MAP7: variants seen among roughly 807,000 people sequenced by gnomAD.
MAP7 encodes the protein ensconsin.
MAP7 carries 52 observed loss-of-function variants against 94.8 expected under a neutral mutation model. That is an observed-to-expected ratio of 0.55 (90% CI 0.44 to 0.69). The LOEUF (loss-of-function observed/expected upper bound fraction) is 0.69. Among genes scored for constraint, MAP7 ranks in the 30% least tolerant of loss-of-function variants. The pLI is 0.00. For synonymous variants in MAP7, 350 were observed against 357.0 expected (o/e 0.98, Z 0.22); for missense variants, 940 against 964.6 (o/e 0.97, Z 0.34).
intron 1 of MAP7, among the ~76,000 whole-genome samples, chr6:136,494,935 T>C (rs528249556): frequency 1.3e-5 from 2 of 152,218 alleles, no homozygotes; most frequent in South Asian, 4.1e-4. Flanking sequence ...TGTACACACA[T>C]ACACACAAAC....
intron 1 of MAP7, among the ~76,000 whole-genome samples, chr6:136,530,540 A>AAGCTCCTGCAATAGTCCAGATG (rs1306388792): frequency 1.4e-5 from 2 of 146,564 alleles, no homozygotes; most frequent in Admixed American, 6.7e-5. Flanking sequence ...ACATGGAATC[A>AAGCTCCTGCAATAGTCCAGATG]AACAACCACT....
At chr6:136,501,851 T>C (rs913579488) in intron 1 of MAP7, among the ~76,000 whole-genome samples, 2 of 152,158 alleles carry the variant, frequency 1.3e-5, no homozygotes, top group Non-Finnish European at 2.9e-5. Context: ...CTCTACTCAC[T>C]GGAACATCTG....
At chr6:136,366,161 T>G (rs1794268393) in intron 9 of MAP7, 143 bp from the exon 10 acceptor site, 1 of 1,061,316 alleles carries the variant, frequency 9.4e-7, no homozygotes. Context: ...GAAATAGAGT[T>G]GCTTTAGGGA....
intron 1 of MAP7, among the ~76,000 whole-genome samples, chr6:136,482,626 A>G (rs1813242437): frequency 6.6e-6 from 1 of 151,762 alleles, no homozygotes; most frequent in Admixed American, 6.6e-5. Flanking sequence ...AGACGCATGC[A>G]TATGTTCATC....
chr6:136,514,117 C>T lies in MAP7; in HGVS notation c.67+36225G>A, dbSNP rs1298385313. ...TTAATGGCATCTGCAATGGTGAATC[C>T]TTTCCAGAAGGTTTTCAATTTTCTT... On this transcript the variant is annotated intron_variant, in intron 1 of 17. Coordinates refer to ENST00000354570, the MANE Select transcript of MAP7 (RefSeq NM_003980.6). Among the ~76,000 whole-genome samples the T allele has an allele frequency of 2.6e-5, 4 of 152,292 alleles. No homozygotes were observed. The South Asian group carries it at 8.3e-4, about 32-fold the overall frequency.
chr6:136,374,719 C>T (rs1197715174), intron 7 of MAP7, among the ~76,000 whole-genome samples: 1 of 152,008 alleles, frequency 6.6e-6, no homozygotes, highest in Non-Finnish European at 1.5e-5. Context: ...TTGAAAATAT[C>T]CTTAAACCTA....
At chr6:136,354,107 T>C (rs1300750751) in intron 16 of MAP7, among the ~76,000 whole-genome samples, 1 of 63,114 alleles carries the variant, frequency 1.6e-5, no homozygotes, top group African/African-American at 5.1e-5. Flanking sequence ...GGGAATCTAC[T>C]ATATATATAT....
intron 1 of MAP7, among the ~76,000 whole-genome samples, chr6:136,456,770 A>AGGAGGAGGAG (rs1464535719): frequency 4.1e-5 from 2 of 49,366 alleles, no homozygotes; most frequent in African/African-American, 2.0e-4. Context: ...AGGAGGAGGA[A>AGGAGGAGGAG]GAAGAAGAAG....
At chr6:136,464,905 T>C (rs1055584637) in intron 1 of MAP7, among the ~76,000 whole-genome samples, 1 of 152,160 alleles carries the variant, frequency 6.6e-6, no homozygotes, top group Non-Finnish European at 1.5e-5. Context: ...CAATAAGCAT[T>C]AAAGCATCAG....
At chr6:136,385,280 AC>A (rs1425120600) in intron 5 of MAP7, among the ~76,000 whole-genome samples, 1 of 146,470 alleles carries the variant, frequency 6.8e-6, no homozygotes, top group Non-Finnish European at 1.5e-5. Context: ...TAAAAAAAAA[AC>A]CACTTCTGTG....
intron 16 of MAP7, among the ~76,000 whole-genome samples, chr6:136,354,183 AAT>A (rs1348889508): frequency 1.4e-5 from 2 of 143,762 alleles, no homozygotes; most frequent in African/African-American, 2.6e-5. Context: ...TATATATAAA[AAT>A]ATATATATCT....
chr6:136,423,781 T>TG (rs1554252866), intron 1 of MAP7, among the ~76,000 whole-genome samples: 1 of 3,458 alleles, frequency 2.9e-4, no homozygotes, highest in African/African-American at 1.1e-3. Context: ...CAGGGAGTTG[T>TG]GTTTTTTTTT....
At position 136,366,255 on chromosome 6, in the gene MAP7, T is replaced by C. The variant is rs1052594000; in HGVS notation, c.989+72A>G. The C allele has an allele frequency of 2.0e-5, 25 of 1,249,872 alleles. 1 individual carries two copies. Among genetic ancestry groups the C allele is most frequent in the Admixed American group, 1.9e-4 (11 of 58,396 alleles). The allele number at this position is 1,249,872 out of a possible 1,614,324, so 77.4% of individuals were successfully genotyped here. On this transcript the variant is annotated intron_variant, in intron 9 of 17. Transcript: ENST00000354570. ...AGCCAAACAGCATGAGAAGAACAGT[T>C]CACTTTCAGAGGAGAGAGCTACTAA... is the stretch of plus-strand genomic sequence containing the variant.
intron 1 of MAP7, among the ~76,000 whole-genome samples, chr6:136,453,499 T>C (rs1215946991): frequency 6.6e-6 from 1 of 152,220 alleles, no homozygotes; most frequent in African/African-American, 2.4e-5. Flanking sequence ...CCGGACAATC[T>C]AGTGAATGTT....
At chr6:136,495,560 C>T (rs1290597533) in intron 1 of MAP7, among the ~76,000 whole-genome samples, 3 of 152,210 alleles carry the variant, frequency 2.0e-5, no homozygotes, top group South Asian at 2.1e-4. Flanking sequence ...TTGAAAGTCA[C>T]GTGGGTGCTC....
chr6:136,442,300 G>T (rs1798095524), intron 1 of MAP7, among the ~76,000 whole-genome samples: 2 of 150,964 alleles, frequency 1.3e-5, no homozygotes, highest in African/African-American at 4.9e-5. Flanking sequence ...AGCTACCGGG[G>T]AGGCTGAGAC....
At chr6:136,468,861 C>T (rs1046700761) in intron 1 of MAP7, among the ~76,000 whole-genome samples, 1 of 152,178 alleles carries the variant, frequency 6.6e-6, no homozygotes, top group Non-Finnish European at 1.5e-5. Context: ...GCAACAAAGA[C>T]ATTCAGGCCA....
At chr6:136,390,091 T>G (rs1193793428) in intron 3 of MAP7, among the ~76,000 whole-genome samples, 1 of 152,160 alleles carries the variant, frequency 6.6e-6, no homozygotes, top group Non-Finnish European at 1.5e-5. Context: ...GTTAACCATA[T>G]CAAAAGCTGG....
At chr6:136,449,268 C>T (rs1364299564) in intron 1 of MAP7, among the ~76,000 whole-genome samples, 1 of 152,092 alleles carries the variant, frequency 6.6e-6, no homozygotes, top group Non-Finnish European at 1.5e-5. Context: ...ACACTCCAGC[C>T]TGGGCCACAG....
Sources: gnomAD v4.1 joint callset for allele counts (sites outside exome capture counted in the v4.1 genomes callset) on GRCh38, gnomAD v4.1.1 for gene constraint, MANE v1.5 for transcripts, NCBI Gene and HGNC (gene_info 2026-07-23, HGNC 2026-07-21) for gene names.